Variants in CILK1 observed in about 807,000 individuals in gnomAD.
CILK1 encodes ciliogenesis associated kinase 1.
A neutral mutation model predicts 79.2 loss-of-function variants in CILK1; 47 were observed. The ratio of observed to expected loss-of-function variants is 0.59; its 90% confidence interval spans 0.47 to 0.76. The LOEUF (loss-of-function observed/expected upper bound fraction) is 0.76. Ranked by LOEUF, CILK1 falls within the 30% of genes least tolerant of loss-of-function variation. The pLI is 0.00. For synonymous variants in CILK1, 266 were observed against 275.9 expected (o/e 0.96, Z 0.36); for missense variants, 660 against 769.5 (o/e 0.86, Z 1.68).
chr6:53,027,862 C>G (rs928091182), intron 5 of CILK1, among the ~76,000 whole-genome samples: 1 of 151,858 alleles, frequency 6.6e-6, no homozygotes, highest in Non-Finnish European at 1.5e-5. Flanking sequence ...AAAAATTAGC[C>G]GGGCGCCGGG....
At chr6:53,010,861 CAAAGCTGCTGTAT>C (rs989558412) in intron 11 of CILK1, among the ~76,000 whole-genome samples, 10 of 152,300 alleles carry the variant, frequency 6.6e-5, no homozygotes, top group East Asian at 1.9e-4. Flanking sequence ...ATGTTGTTTG[CAAAGCTGCTGTAT>C]AAAGCTGCTG....
At chr6:53,047,466 T>C (rs930156969) in intron 1 of CILK1, among the ~76,000 whole-genome samples, 2 of 141,780 alleles carry the variant, frequency 1.4e-5, no homozygotes, top group African/African-American at 5.2e-5. Context: ...CTACCAGGCT[T>C]TTTTTTTTTT....
At chr6:53,041,526 C>T in intron 1 of CILK1, 118 bp from the exon 2 acceptor site, 1 of 394,722 alleles carries the variant, frequency 2.5e-6, no homozygotes, top group South Asian at 2.1e-5. Flanking sequence ...ACTTGCATAC[C>T]ATTCATGACT....
At chr6:53,024,730 T>C (rs1765461731) in intron 5 of CILK1, among the ~76,000 whole-genome samples, 1 of 152,044 alleles carries the variant, frequency 6.6e-6, no homozygotes, top group African/African-American at 2.4e-5. Flanking sequence ...TGAATCATGG[T>C]GGCAGGGGGC....
At chr6:53,006,549 G>T in intron 12 of CILK1, 112 bp from the exon 13 acceptor site, 2 of 1,199,464 alleles carry the variant, frequency 1.7e-6, no homozygotes, top group Non-Finnish European at 2.4e-6. Flanking sequence ...TACTTTTAGG[G>T]AAAAGAGCAA....
intron 12 of CILK1, 98 bp from the exon 13 acceptor site, chr6:53,006,535 T>C (rs1764231633): frequency 7.3e-7 from 1 of 1,372,566 alleles, no homozygotes; most frequent in African/African-American, 1.4e-5. Flanking sequence ...ACAAACTAAG[T>C]TTTTACTTTT....
chr6:53,037,228 A>T (rs1478461006), intron 3 of CILK1, among the ~76,000 whole-genome samples: 1 of 152,194 alleles, frequency 6.6e-6, no homozygotes, highest in Non-Finnish European at 1.5e-5. Flanking sequence ...CTACTCTGAC[A>T]GAGAGAAAAA....
chr6:53,010,620 G>A (rs1764519583), intron 11 of CILK1, among the ~76,000 whole-genome samples: 1 of 152,122 alleles, frequency 6.6e-6, no homozygotes, highest in African/African-American at 2.4e-5. Context: ...CCTCTCACAG[G>A]ACAAGCCCTC....
intron 1 of CILK1, among the ~76,000 whole-genome samples, chr6:53,052,576 C>A (rs1178691379): frequency 6.6e-6 from 1 of 151,884 alleles, no homozygotes; most frequent in Non-Finnish European, 1.5e-5. Context: ...ACTAAAAATA[C>A]AAAAATTAAC....
intron 1 of CILK1, among the ~76,000 whole-genome samples, chr6:53,053,555 G>A (rs1767636890): frequency 6.6e-6 from 1 of 152,150 alleles, no homozygotes; most frequent in Admixed American, 6.5e-5. Flanking sequence ...CAAGTTACAT[G>A]TCTAGATTAT....
intron 4 of CILK1, among the ~76,000 whole-genome samples, chr6:53,032,062 A>C (rs1766004710): frequency 6.6e-6 from 1 of 152,124 alleles, no homozygotes; most frequent in Non-Finnish European, 1.5e-5. Context: ...TGACCTCCTG[A>C]CCTCAGGTGA....
chr6:53,026,067 C>T (rs1157082382), intron 5 of CILK1, among the ~76,000 whole-genome samples: 1 of 152,136 alleles, frequency 6.6e-6, no homozygotes, highest in African/African-American at 2.4e-5. Flanking sequence ...CCTTAGTTTT[C>T]TTATCTGTAA....
intron 2 of CILK1, 110 bp from the exon 3 acceptor site, chr6:53,038,103 G>C: frequency 2.7e-6 from 2 of 751,374 alleles, no homozygotes; most frequent in Non-Finnish European, 4.8e-6. Flanking sequence ...CTTAAAGTGG[G>C]TTTAAATTTC....
intron 1 of CILK1, among the ~76,000 whole-genome samples, chr6:53,051,259 A>C (rs1767462920): frequency 6.6e-6 from 1 of 152,250 alleles, no homozygotes; most frequent in Admixed American, 6.5e-5. Flanking sequence ...GGTATAAATA[A>C]CAAAAAAAAT....
intron 1 of CILK1, among the ~76,000 whole-genome samples, chr6:53,056,006 G>C (rs911537244): frequency 1.3e-5 from 2 of 152,150 alleles, no homozygotes; most frequent in African/African-American, 4.8e-5. Flanking sequence ...GTGTTTCAGG[G>C]GTGGGCAAGA....
intron 1 of CILK1, among the ~76,000 whole-genome samples, chr6:53,049,129 T>C (rs1767305649): frequency 6.6e-6 from 1 of 152,256 alleles, no homozygotes; most frequent in South Asian, 2.1e-4. Context: ...CCTGAAAATA[T>C]ATGCCTTTGG....
At chr6:53,022,562 CACA>C (rs1765312977) in intron 5 of CILK1, among the ~76,000 whole-genome samples, 2 of 152,142 alleles carry the variant, frequency 1.3e-5, no homozygotes, top group South Asian at 2.1e-4. Flanking sequence ...ATGATGTTTG[CACA>C]ACAACAAAAT....
intron 1 of CILK1, among the ~76,000 whole-genome samples, chr6:53,042,106 A>G (rs1184752579): frequency 6.6e-6 from 1 of 152,236 alleles, no homozygotes; most frequent in African/African-American, 2.4e-5. Flanking sequence ...GCATAAAGTC[A>G]CAGTTTCCAA....
At chr6:53,054,386 C>T (rs1395089370) in intron 1 of CILK1, among the ~76,000 whole-genome samples, 1 of 152,232 alleles carries the variant, frequency 6.6e-6, no homozygotes, top group African/African-American at 2.4e-5. Context: ...AGTAGCAAGT[C>T]CTCAAAGATT....
Sources: allele counts gnomAD v4.1 joint callset (sites outside exome capture counted in the v4.1 genomes callset), GRCh38; gene constraint gnomAD v4.1.1; transcripts MANE v1.5; gene names NCBI Gene and HGNC (gene_info 2026-07-23, HGNC 2026-07-21).